Variants in SLC13A3 observed in about 807,000 individuals in gnomAD.
SLC13A3 encodes Na(+)/dicarboxylate cotransporter 3.
SLC13A3 carries 40 observed loss-of-function variants against 59.0 expected under a neutral mutation model. That is an observed-to-expected ratio of 0.68 (90% CI 0.53 to 0.88). The LOEUF is 0.88. Ranked by LOEUF, SLC13A3 falls within the 40% of genes least tolerant of loss-of-function variation. The probability of loss-of-function intolerance (pLI) is 0.00; values close to 1 mark genes in which losing one functional copy is unlikely to be tolerated. For missense variants in SLC13A3, 699 were observed against 783.2 expected, an observed-to-expected ratio of 0.89 and a Z score of 1.28; for synonymous variants, 317 against 330.3, an observed-to-expected ratio of 0.96 and a Z score of 0.44.
At chr20:46,597,094 C>T (rs1201687172) in intron 4 of SLC13A3, among the ~76,000 whole-genome samples, 1 of 151,906 alleles carries the variant, frequency 6.6e-6, no homozygotes, top group Non-Finnish European at 1.5e-5. Context: ...AAAGAAATGG[C>T]TATGTTTCAT....
intron 1 of SLC13A3, among the ~76,000 whole-genome samples, chr20:46,663,997 A>T (rs887146330): frequency 6.6e-6 from 1 of 152,160 alleles, no homozygotes; most frequent in Non-Finnish European, 1.5e-5. Flanking sequence ...GTTTCCCAAC[A>T]CTCATTCCCC....
intron 1 of SLC13A3, among the ~76,000 whole-genome samples, chr20:46,619,800 A>G (rs1397760090): frequency 2.0e-5 from 3 of 152,118 alleles, no homozygotes; most frequent in Admixed American, 6.6e-5. Flanking sequence ...CCCCCACCCT[A>G]AAGTCCTGGT....
At chr20:46,656,111 T>C (rs1303117461), upstream of SLC13A3, among the ~76,000 whole-genome samples, 1 of 144,062 alleles carries the variant, frequency 6.9e-6, no homozygotes, top group Non-Finnish European at 1.5e-5. Context: ...GTCTATATTA[T>C]ACTGTATATA....
At chr20:46,577,328 C>T (rs1337018565) in intron 9 of SLC13A3, among the ~76,000 whole-genome samples, 1 of 152,218 alleles carries the variant, frequency 6.6e-6, no homozygotes, top group Admixed American at 6.5e-5. Flanking sequence ...ATGGTATCTA[C>T]ATGCAATGCA....
At chr20:46,594,893 G>T (rs965689436) in intron 5 of SLC13A3, among the ~76,000 whole-genome samples, 2 of 152,116 alleles carry the variant, frequency 1.3e-5, no homozygotes, top group African/African-American at 4.8e-5. Context: ...CCAAACATGG[G>T]TGTACTAAAA....
At chr20:46,656,007 CTA>C (rs916311596), upstream of SLC13A3, among the ~76,000 whole-genome samples, 1 of 135,746 alleles carries the variant, frequency 7.4e-6, no homozygotes, top group Admixed American at 7.5e-5. Flanking sequence ...ACTACATATA[CTA>C]TATATACAGT....
At chr20:46,606,984 G>A (rs979119080) in intron 3 of SLC13A3, among the ~76,000 whole-genome samples, 1 of 152,204 alleles carries the variant, frequency 6.6e-6, no homozygotes, top group Admixed American at 6.5e-5. Flanking sequence ...AGGACCTCTG[G>A]AGTCTTATCC....
intron 3 of SLC13A3, 50 bp downstream of exon 3, chr20:46,610,396 C>T: frequency 6.4e-7 from 1 of 1,556,570 alleles, no homozygotes; most frequent in Non-Finnish European, 8.7e-7. Context: ...ATCCCATTCC[C>T]ACTTCCAAAT....
At chr20:46,641,891 A>T (rs1031022243) in intron 1 of SLC13A3, among the ~76,000 whole-genome samples, 1 of 152,108 alleles carries the variant, frequency 6.6e-6, no homozygotes, top group Non-Finnish European at 1.5e-5. Flanking sequence ...TTTTTGAGGG[A>T]TCTCACATGA....
Position 46,613,737 on chromosome 20 carries a change from G to T in SLC13A3, c.112-12C>A. On this transcript the variant is annotated splice_polypyrimidine_tract_variant and intron_variant, in intron 1 of 12. Coordinates refer to ENST00000279027, the MANE Select transcript of SLC13A3 (RefSeq NM_022829.6). Reference sequence around the variant, plus strand: ...AAGCAGCGGCCTTCCTGCAGGAGGAGATGCATGCTCAGAGGGTCAGCGGGG... The same window carrying T: ...AAGCAGCGGCCTTCCTGCAGGAGGATATGCATGCTCAGAGGGTCAGCGGGG... 1 of 1,587,364 alleles carries T rather than the reference G, an allele frequency of 6.3e-7. No individual in the cohort carries two copies. Among genetic ancestry groups the T allele is most frequent in the South Asian group, 1.2e-5 (1 of 86,512 alleles).
intron 1 of SLC13A3, among the ~76,000 whole-genome samples, chr20:46,638,210 C>G (rs1346675017): frequency 1.3e-5 from 2 of 152,160 alleles, no homozygotes; most frequent in African/African-American, 4.8e-5. Flanking sequence ...GTAAAACGCC[C>G]AACTCAGGCA....
At chr20:46,562,257 TC>T (rs1264715368) in intron 12 of SLC13A3, among the ~76,000 whole-genome samples, 1 of 152,154 alleles carries the variant, frequency 6.6e-6, no homozygotes, top group Non-Finnish European at 1.5e-5. Flanking sequence ...GTCTGTCCTG[TC>T]CCCGCTGTTC....
At position 46,562,195 on chromosome 20, in the gene SLC13A3, A is replaced by G. The variant is rs111542226; in HGVS notation, c.1632+1219T>C. On this transcript the variant is annotated intron_variant, in intron 12 of 12. Transcript: ENST00000279027. Reference sequence around the variant, plus strand: ...CTTCTACAGACAGAAGTGAAATCACATCATTGCCCTGCTTACCGAGGGTCC... The same window carrying G: ...CTTCTACAGACAGAAGTGAAATCACGTCATTGCCCTGCTTACCGAGGGTCC... 4.9e-3 allele frequency among the ~76,000 whole-genome samples: 740 copies of G among 152,270 alleles called. 6 individuals are homozygous for G. The highest frequency in any genetic ancestry group is 0.017 in the African/African-American group (696 of 41,534).
intron 1 of SLC13A3, among the ~76,000 whole-genome samples, chr20:46,680,882 G>A (rs1445122577): frequency 2.6e-5 from 4 of 152,214 alleles, no homozygotes; most frequent in Non-Finnish European, 4.4e-5. Context: ...AATACTCACA[G>A]CAACTCCACC....
At chr20:46,653,542 AATAAGGC>A (rs2122893813), upstream of SLC13A3, among the ~76,000 whole-genome samples, 1 of 152,276 alleles carries the variant, frequency 6.6e-6, no homozygotes, top group African/African-American at 2.4e-5. Flanking sequence ...ACAACAACAA[AATAAGGC>A]AGGTTGGACA....
chr20:46,576,378 G>A (rs1431285691), intron 9 of SLC13A3, among the ~76,000 whole-genome samples: 3 of 152,144 alleles, frequency 2.0e-5, no homozygotes, highest in Non-Finnish European at 4.4e-5. Context: ...CCTGGGTTGG[G>A]GGCATAGGCT....
intron 1 of SLC13A3, among the ~76,000 whole-genome samples, chr20:46,649,507 C>G (rs2062932129): frequency 6.6e-6 from 1 of 152,148 alleles, no homozygotes; most frequent in South Asian, 2.1e-4. Context: ...GAATAGAGAC[C>G]TTGTGTTTTA....
intron 1 of SLC13A3, among the ~76,000 whole-genome samples, chr20:46,646,427 T>G (rs2062895216): frequency 6.6e-6 from 1 of 152,226 alleles, no homozygotes; most frequent in Non-Finnish European, 1.5e-5. Flanking sequence ...TTTGTAAATG[T>G]GAGAAAATCT....
In SLC13A3 at chr20:46,558,968, C is replaced by G. The variant is rs966422914; in HGVS notation, c.*1054G>C. 1 of 152,024 alleles carries G rather than the reference C, an allele frequency of 6.6e-6. No homozygotes were observed. Among genetic ancestry groups the G allele is most frequent in the Non-Finnish European group, 1.5e-5 (1 of 68,018 alleles). 9.4% of individuals were successfully genotyped at this position (152,024 alleles called of 1,614,324 possible). Reference sequence around the variant, plus strand: ...TCCAGCCTCGGGCTCACGGGGACGTCTCAGTTTTACCCATATGCAGAAGGG... The same window carrying G: ...TCCAGCCTCGGGCTCACGGGGACGTGTCAGTTTTACCCATATGCAGAAGGG... On this transcript the variant is annotated 3_prime_UTR_variant, in exon 13 of 13. Transcript: ENST00000279027.
Sources: allele counts gnomAD v4.1 joint callset (sites outside exome capture counted in the v4.1 genomes callset), GRCh38; gene constraint gnomAD v4.1.1; transcripts MANE v1.5; gene names NCBI Gene and HGNC (gene_info 2026-07-23, HGNC 2026-07-21).